Variants in MARCHF5 observed in about 807,000 individuals in gnomAD.
MARCHF5 encodes the protein membrane associated ring-CH-type finger 5, also known as E3 ubiquitin-protein ligase MARCHF5.
Under a neutral mutation model 36.5 loss-of-function variants are expected in MARCHF5, and 5 were observed. That is an observed-to-expected ratio of 0.14 (90% CI 0.07 to 0.29). The LOEUF (loss-of-function observed/expected upper bound fraction) is 0.29. Ranked by LOEUF, MARCHF5 falls within the 10% of genes least tolerant of loss-of-function variation. The pLI is 1.00. For missense variants in MARCHF5, 179 were observed against 336.3 expected, an observed-to-expected ratio of 0.53 and a Z score of 3.66; for synonymous variants, 103 against 109.9, an observed-to-expected ratio of 0.94 and a Z score of 0.39.
intron 2 of MARCHF5, among the ~76,000 whole-genome samples, chr10:92,318,358 G>A (rs577154029): frequency 1.8e-4 from 27 of 151,586 alleles, no homozygotes; most frequent in African/African-American, 2.7e-4. Context: ...CCCGAGAGGC[G>A]GAGGTTTCAG....
In MARCHF5 at chr10:92,344,082, G is replaced by A. The variant is rs192284206; in HGVS notation, c.369+3279G>A. On this transcript the variant is annotated intron_variant, in intron 3 of 5. Transcript: ENST00000358935. ...AGACTTTATTGACCATAAGAAGTGA[G>A]ATGGCTCTTTTTTAAGAAAGATTTT... Among the ~76,000 whole-genome samples the A allele has an allele frequency of 1.9e-4, 29 of 152,298 alleles. No homozygotes were observed. The East Asian group carries it at 5.0e-3, about 26-fold the overall frequency.
intron 2 of MARCHF5, among the ~76,000 whole-genome samples, chr10:92,322,790 T>A (rs1843306567): frequency 6.6e-6 from 1 of 150,872 alleles, no homozygotes; most frequent in Admixed American, 6.6e-5. Context: ...CAGGCTGGAG[T>A]GCAGTGGCAT....
At chr10:92,291,621 G>A (rs547864714) in intron 1 of MARCHF5, 92 bp downstream of exon 1, 6 of 1,429,630 alleles carry the variant, frequency 4.2e-6, no homozygotes, top group Middle Eastern at 4.3e-4. Context: ...AGCAGAACCC[G>A]GCGTGCCGGG....
intron 1 of MARCHF5, among the ~76,000 whole-genome samples, chr10:92,303,516 T>C (rs1227817334): frequency 1.3e-5 from 2 of 152,162 alleles, no homozygotes; most frequent in African/African-American, 4.8e-5. Context: ...ACTTAATGCT[T>C]GGTATAGTGG....
intron 1 of MARCHF5, among the ~76,000 whole-genome samples, chr10:92,299,120 C>A (rs995357488): frequency 6.6e-6 from 1 of 152,118 alleles, no homozygotes; most frequent in African/African-American, 2.4e-5. Context: ...CCTTGCCCGG[C>A]CTATTTACAT....
intron 2 of MARCHF5, among the ~76,000 whole-genome samples, chr10:92,319,024 A>G (rs1564947601): frequency 6.6e-6 from 1 of 152,036 alleles, no homozygotes; most frequent in African/African-American, 2.4e-5. Context: ...ACCGTTAACT[A>G]TAGCCGTACT....
Position 92,291,447 on chromosome 10 carries a change from C to G in MARCHF5, c.-48C>G. ...CAGTGCTATTGTCCCTGGGCCTGGC[C>G]TTGAGCGGGTCCACTGGGGAAGGCC... On this transcript the variant is annotated 5_prime_UTR_variant, in exon 1 of 6. Coordinates refer to ENST00000358935, the MANE Select transcript of MARCHF5 (RefSeq NM_017824.5). 2 of 1,494,276 alleles carry G rather than the reference C, an allele frequency of 1.3e-6. No homozygotes were observed. The highest frequency in any genetic ancestry group is 2.4e-5 in the South Asian group (2 of 82,926). 92.6% of individuals were successfully genotyped at this position (1,494,276 alleles called of 1,614,324 possible).
intron 2 of MARCHF5, among the ~76,000 whole-genome samples, chr10:92,322,603 CT>C (rs1843303752): frequency 6.7e-6 from 1 of 150,174 alleles, no homozygotes; most frequent in Admixed American, 6.6e-5. Flanking sequence ...CCATACCCAG[CT>C]AGTTTTTGTA....
intron 1 of MARCHF5, among the ~76,000 whole-genome samples, chr10:92,291,889 A>C (rs1013426059): frequency 3.3e-5 from 5 of 152,112 alleles, no homozygotes; most frequent in African/African-American, 1.2e-4. Context: ...ACTGGCAAGA[A>C]CCGGGTTATC....
chr10:92,317,982 C>T (rs1359007306), intron 2 of MARCHF5, among the ~76,000 whole-genome samples: 1 of 152,076 alleles, frequency 6.6e-6, no homozygotes, highest in Non-Finnish European at 1.5e-5. Context: ...AACTCCTGAC[C>T]TCAGGTGATC....
At chr10:92,306,649 G>A (rs1224497308) in intron 1 of MARCHF5, among the ~76,000 whole-genome samples, 1 of 152,182 alleles carries the variant, frequency 6.6e-6, no homozygotes, top group African/African-American at 2.4e-5. Flanking sequence ...ATTACATAGA[G>A]TGGGAGGGGT....
chr10:92,300,624 T>TTAAA (rs1051134988), intron 1 of MARCHF5, among the ~76,000 whole-genome samples: 8 of 152,246 alleles, frequency 5.3e-5, no homozygotes, highest in African/African-American at 1.9e-4. Flanking sequence ...AACTGCCTTT[T>TTAAA]TAAAGCCTTT....
chr10:92,304,852 C>G (rs1056186483), intron 1 of MARCHF5, among the ~76,000 whole-genome samples: 2 of 152,296 alleles, frequency 1.3e-5, no homozygotes, highest in East Asian at 1.9e-4. Context: ...TTTGCAACAA[C>G]TCTGTGAAAG....
chr10:92,332,365 T>C (rs922660531), intron 2 of MARCHF5, among the ~76,000 whole-genome samples: 26 of 152,196 alleles, frequency 1.7e-4, no homozygotes, highest in Admixed American at 5.9e-4. Context: ...AATCTCAAAC[T>C]ACCAGCAGAG....
chr10:92,325,016 C>T (rs1843337955), intron 2 of MARCHF5, among the ~76,000 whole-genome samples: 1 of 151,996 alleles, frequency 6.6e-6, no homozygotes, highest in Admixed American at 6.6e-5. Flanking sequence ...TTTCCATTTC[C>T]TTGTTATCTT....
At chr10:92,311,104 A>G (rs1843139894) in intron 1 of MARCHF5, 31 bp from the exon 2 acceptor site, 2 of 1,579,688 alleles carry the variant, frequency 1.3e-6, no homozygotes, top group African/African-American at 2.7e-5. Flanking sequence ...CTAAAGATAT[A>G]AATGTCATCC....
chr10:92,336,123 C>T (rs911967043), intron 2 of MARCHF5, among the ~76,000 whole-genome samples: 1 of 152,166 alleles, frequency 6.6e-6, no homozygotes, highest in Non-Finnish European at 1.5e-5. Context: ...GCAACCTCTG[C>T]CTCCCAGGTT....
chr10:92,291,907 G>C (rs1022934649), intron 1 of MARCHF5, among the ~76,000 whole-genome samples: 1 of 152,070 alleles, frequency 6.6e-6, no homozygotes, highest in African/African-American at 2.4e-5. Context: ...ATCTTTCAGG[G>C]GAATGACCCC....
rs1306766433 is a variant in MARCHF5 at position 92,353,841 on chromosome 10, C to A, written c.*2634C>A. ...TGACTGTGAAGAATATAAAATTAAA[C>A]TTAGTGACTTAATTAGTCACTGCCT... On this transcript the variant is annotated 3_prime_UTR_variant, in exon 6 of 6. Coordinates refer to ENST00000358935, the MANE Select transcript of MARCHF5 (RefSeq NM_017824.5). 1 of 152,576 alleles carries A rather than the reference C, an allele frequency of 6.6e-6. No homozygotes were observed. Among genetic ancestry groups the A allele is most frequent in the Non-Finnish European group, 1.5e-5 (1 of 68,026 alleles). 9.5% of individuals were successfully genotyped at this position (152,576 alleles called of 1,614,324 possible). A position where few individuals can be genotyped will look rare whatever the true frequency, so the allele number is the denominator to read the frequency against.
Sources: gnomAD v4.1 joint callset for allele counts (sites outside exome capture counted in the v4.1 genomes callset) on GRCh38, gnomAD v4.1.1 for gene constraint, MANE v1.5 for transcripts, NCBI Gene and HGNC (gene_info 2026-07-23, HGNC 2026-07-21) for gene names.